The following KRT75 variants were observed in gnomAD, a reference collection of about 807,000 sequenced individuals.
The protein encoded by KRT75 is keratin, type II cytoskeletal 75.
KRT75 carries 35 observed loss-of-function variants against 48.8 expected under a neutral mutation model. The observed-to-expected ratio is 0.72, with a 90% CI of 0.55 to 0.95. KRT75 has a LOEUF of 0.95. Ranked by LOEUF, KRT75 falls within the 40% of genes least tolerant of loss-of-function variation. The pLI is 0.00. For synonymous variants in KRT75, 301 were observed against 282.3 expected (o/e 1.07, Z -0.66); for missense variants, 776 against 709.9 (o/e 1.09, Z -1.06).
intron 1 of KRT75, 67 bp downstream of exon 1, chr12:52,433,740 A>G (rs1940178671): frequency 3.7e-6 from 6 of 1,609,188 alleles, no homozygotes; most frequent in South Asian, 3.3e-5. Flanking sequence ...CTCTCCCCCC[A>G]TGGGATGGCC....
At chr12:52,433,417 C>T (rs766132723) in intron 1 of KRT75, among the ~76,000 whole-genome samples, 165 bp from the exon 2 acceptor site, 5 of 152,128 alleles carry the variant, frequency 3.3e-5, no homozygotes, top group Non-Finnish European at 5.9e-5. Context: ...ATGGAGCTAC[C>T]GCAAAGTTCC....
Position 52,424,770 on chromosome 12 carries a change from G to A in KRT75, c.1418-15C>T. ...GGTGACCACAGCTGCCGGGAAGAGA[G>A]GAGGTGTGGTCAGATCAAGTGCAAG... is the stretch of plus-strand genomic sequence containing the variant. On this transcript the variant is annotated splice_polypyrimidine_tract_variant and intron_variant, in intron 8 of 8. Transcript: ENST00000252245. 3 of 1,592,728 alleles carry A rather than the reference G, an allele frequency of 1.9e-6. No homozygotes were observed. Among genetic ancestry groups the A allele is most frequent in the South Asian group, 1.1e-5 (1 of 90,670 alleles).
At chr12:52,433,351 T>C in intron 1 of KRT75, 99 bp from the exon 2 acceptor site, 1 of 1,054,240 alleles carries the variant, frequency 9.5e-7, no homozygotes, top group Non-Finnish European at 1.4e-6. Context: ...TTTTTTTCAC[T>C]TGGCACCCAT....
At chr12:52,433,468 T>G (rs1940172916) in intron 1 of KRT75, among the ~76,000 whole-genome samples, 1 of 151,658 alleles carries the variant, frequency 6.6e-6, no homozygotes, top group Admixed American at 6.6e-5. Context: ...GCCTAGAGGC[T>G]TCTGTTGGGG....
chr12:52,428,480 T>G lies in KRT75; in HGVS notation c.1162-4A>C. 6.2e-7 allele frequency: 1 copy of G among 1,613,048 alleles called. No individual in the cohort carries two copies. The highest frequency in any genetic ancestry group is 8.5e-7 in the Non-Finnish European group (1 of 1,179,470). The stretch of plus-strand genomic sequence containing the variant: ...TGGCCGTTTGCAAGCTGGAACACTG[T>G]AAGGACAGGAGGAAGCCATGAGTCC... On this transcript the variant is annotated splice_region_variant and splice_polypyrimidine_tract_variant and intron_variant, in intron 6 of 8. Coordinates refer to ENST00000252245, the MANE Select transcript of KRT75 (RefSeq NM_004693.3).
intron 5 of KRT75, among the ~76,000 whole-genome samples, chr12:52,429,822 A>G (rs1940120783): frequency 1.3e-5 from 2 of 152,140 alleles, no homozygotes; most frequent in African/African-American, 4.8e-5. Context: ...AGCTGCCCCA[A>G]GAGGGGTCTG....
chr12:52,431,978 C>T, intron 3 of KRT75, 28 bp downstream of exon 3: 1 of 1,612,100 alleles, frequency 6.2e-7, no homozygotes, highest in South Asian at 1.1e-5. Flanking sequence ...TTTAAACCTT[C>T]TCCTTTGAGA....
At chr12:52,430,302 T>C (rs1046455088) in intron 5 of KRT75, among the ~76,000 whole-genome samples, 62 of 152,116 alleles carry the variant, frequency 4.1e-4, no homozygotes, top group African/African-American at 1.4e-3. Context: ...CACCCAGATC[T>C]TGAGGAATGT....
At position 52,430,678 on chromosome 12, in the gene KRT75, C is replaced by A. The variant is rs368136976; in HGVS notation, c.898G>T (p.Gly300Cys). 3 of 1,614,130 alleles carry A rather than the reference C, an allele frequency of 1.9e-6. No individual in the cohort carries two copies. The Admixed American group carries it at 5.0e-5, about 27-fold the overall frequency. ...AELSQLQTQV[G>C]DTSVVLSMDN... ...ATGGACAGCACCACGGATGTGTCACCGACCTGGGTCTGCAACTGGGACAGC... is the reference window on the plus strand; with the variant it reads ...ATGGACAGCACCACGGATGTGTCACAGACCTGGGTCTGCAACTGGGACAGC... The change falls in exon 5 of 9, where the codon GGT (glycine) becomes TGT (cysteine). Residue 300 changes from glycine to cysteine, a missense_variant. Transcript: ENST00000252245.
At chr12:52,431,511 T>C (rs1221985645) in intron 4 of KRT75, 32 bp downstream of exon 4, 8 of 1,441,998 alleles carry the variant, frequency 5.5e-6, no homozygotes, top group East Asian at 2.3e-5. Context: ...GCTCCAGACC[T>C]AGGAGAGACA....
chr12:52,426,727 G>T, intron 8 of KRT75, 90 bp downstream of exon 8: 1 of 1,299,760 alleles, frequency 7.7e-7, no homozygotes, highest in Non-Finnish European at 1.1e-6. Flanking sequence ...CGTCTAACCC[G>T]TCATATCTTC....
rs1297458582 is a variant in KRT75 at position 52,430,709 on chromosome 12, C to A, written c.871-4G>T. 19 of 1,614,114 alleles carry A rather than the reference C, an allele frequency of 1.2e-5. No individual in the cohort carries two copies. Among genetic ancestry groups the A allele is most frequent in the Admixed American group, 1.7e-5 (1 of 60,024 alleles). ...GGGTCTGCAACTGGGACAGCTCCTG[C>A]AGGGCAGTAAACTCAGCATCACCAA... is the stretch of plus-strand genomic sequence containing the variant. On this transcript the variant is annotated splice_polypyrimidine_tract_variant and splice_region_variant and intron_variant, in intron 4 of 8. Transcript: ENST00000252245.
Position 52,424,467 on chromosome 12 carries a change from G to A in KRT75, c.*50C>T. 3 of 1,505,750 alleles carry A rather than the reference G, an allele frequency of 2.0e-6. No individual in the cohort carries two copies. Among genetic ancestry groups the A allele is most frequent in the African/African-American group, 1.4e-5 (1 of 73,016 alleles). 93.3% of individuals were successfully genotyped at this position (1,505,750 alleles called of 1,614,324 possible). On this transcript the variant is annotated 3_prime_UTR_variant, in exon 9 of 9. Coordinates refer to ENST00000252245, the MANE Select transcript of KRT75 (RefSeq NM_004693.3). Reference sequence around the variant, plus strand: ...AGGAGGAGGACCCTGGTGTCCAGGTGTGACTGCAAACAGGCCTCAAGGCAG... The same window carrying A: ...AGGAGGAGGACCCTGGTGTCCAGGTATGACTGCAAACAGGCCTCAAGGCAG...
chr12:52,425,447 T>A (rs1940065347), intron 8 of KRT75, among the ~76,000 whole-genome samples: 1 of 152,204 alleles, frequency 6.6e-6, no homozygotes, highest in Admixed American at 6.5e-5. Context: ...ATGGGATCGT[T>A]GCAGGTATAA....
intron 4 of KRT75, among the ~76,000 whole-genome samples, chr12:52,431,300 C>T (rs898282727): frequency 1.3e-5 from 2 of 151,992 alleles, no homozygotes; most frequent in African/African-American, 4.8e-5. Flanking sequence ...GTACTCTCTC[C>T]TTGTTAGATG....
intron 5 of KRT75, among the ~76,000 whole-genome samples, chr12:52,429,139 C>T (rs1940111614): frequency 6.6e-6 from 1 of 152,086 alleles, no homozygotes; most frequent in South Asian, 2.1e-4. Flanking sequence ...AAGGAAACAG[C>T]CTGCATGAAG....
rs1400788126 is a variant in KRT75 at position 52,434,257 on chromosome 12, G to A, written c.48C>T (p.Gly16=). 3.8e-6 allele frequency: 6 copies of A among 1,587,818 alleles called. No individual in the cohort carries two copies. In the East Asian group the frequency reaches 8.9e-5, roughly 24 times the overall value. The change falls in exon 1 of 9, where the codon GGC becomes GGT. Residue 16 remains glycine, a synonymous_variant. Transcript: ENST00000252245. The part of the protein sequence containing the change: ...SITFQSGSRR[G]FSTTSAITPA... ...GGGTGATGGCCGAGGTGGTGCTGAA[G>A]CCCCTGCGGCTGCCAGACTGGAAGG... is the stretch of plus-strand genomic sequence containing the variant.
In KRT75 at chr12:52,433,906, A is replaced by G. The variant is rs762715408; in HGVS notation, c.399T>C (p.Pro133=). ...TGGTGGGGTCGATTTGCAGGTGAAG[A>G]GGAGTCAGGAGACTCTGGTTGACAG... ...EVTVNQSLLT[P]LHLQIDPTIQ... The change falls in exon 1 of 9, where the codon CCT becomes CCC. Residue 133 remains proline, a synonymous_variant. Transcript: ENST00000252245. The G allele has an allele frequency of 6.8e-6, 11 of 1,614,146 alleles. No individual in the cohort carries two copies. The South Asian group carries it at 7.7e-5, about 11-fold the overall frequency.
chr12:52,430,443 G>T, intron 5 of KRT75, 98 bp downstream of exon 5: 3 of 1,274,872 alleles, frequency 2.4e-6, no homozygotes, highest in Admixed American at 1.7e-5. Flanking sequence ...TGAAATAAAC[G>T]AATGTGCTCA....
Sources: gnomAD v4.1 joint callset for allele counts (sites outside exome capture counted in the v4.1 genomes callset) on GRCh38, gnomAD v4.1.1 for gene constraint, MANE v1.5 for transcripts, NCBI Gene and HGNC (gene_info 2026-07-23, HGNC 2026-07-21) for gene names.